The following FLI1 variants were observed in gnomAD, a reference collection of about 807,000 sequenced individuals.
FLI1 encodes the protein Fli-1 proto-oncogene, ETS transcription factor.
Under a neutral mutation model 53.1 loss-of-function variants are expected in FLI1, and 13 were observed. The observed-to-expected ratio is 0.24, with a 90% confidence interval of 0.16 to 0.39. The LOEUF (loss-of-function observed/expected upper bound fraction) is 0.39, where lower values mean the gene tolerates loss of function less well. Among genes scored for constraint, FLI1 ranks in the 10% least tolerant of loss-of-function variants. The pLI is 1.00. For synonymous variants in FLI1, 244 were observed against 236.7 expected, an observed-to-expected ratio of 1.03 and a Z score of -0.28; for missense variants, 424 against 600.5, an observed-to-expected ratio of 0.71 and a Z score of 3.07.
At chr11:128,726,636 T>C (rs1419636715) in intron 1 of FLI1, among the ~76,000 whole-genome samples, 2 of 147,820 alleles carry the variant, frequency 1.4e-5, no homozygotes, top group African/African-American at 5.0e-5. Flanking sequence ...GGCGGTGCCC[T>C]CTTTTGTATA....
intron 1 of FLI1, among the ~76,000 whole-genome samples, chr11:128,751,878 G>C (rs1334134171): frequency 1.3e-5 from 2 of 150,160 alleles, no homozygotes; most frequent in Non-Finnish European, 2.9e-5. Context: ...ACCTAGGCTG[G>C]TCTTGAATGC....
At chr11:128,799,056 T>G (rs1942544250) in intron 5 of FLI1, among the ~76,000 whole-genome samples, 1 of 148,608 alleles carries the variant, frequency 6.7e-6, no homozygotes, top group African/African-American at 2.5e-5. Context: ...ATTATTATTT[T>G]GCTTTGGAGA....
At chr11:128,782,650 T>G (rs747683217) in intron 5 of FLI1, among the ~76,000 whole-genome samples, 17 of 151,974 alleles carry the variant, frequency 1.1e-4, no homozygotes, top group South Asian at 2.1e-4. Context: ...ATGAGCCGAG[T>G]TCGCGCCACT....
intron 5 of FLI1, among the ~76,000 whole-genome samples, chr11:128,793,754 GGTGAC>G (rs1344231813): frequency 5.3e-5 from 8 of 152,194 alleles, no homozygotes; most frequent in Non-Finnish European, 8.8e-5. Context: ...CATTAATGAT[GGTGAC>G]AATGAATGCA....
At chr11:128,788,669 C>T (rs2135879908) in intron 5 of FLI1, among the ~76,000 whole-genome samples, 1 of 152,130 alleles carries the variant, frequency 6.6e-6, no homozygotes, top group Admixed American at 6.5e-5. Flanking sequence ...AGATCTGAGG[C>T]CAGAGAAGGT....
intron 1 of FLI1, among the ~76,000 whole-genome samples, chr11:128,710,711 T>A (rs1158075879): frequency 6.6e-6 from 1 of 152,204 alleles, no homozygotes; most frequent in Non-Finnish European, 1.5e-5. Context: ...GTATAAAGGG[T>A]TTGGACATAC....
At chr11:128,802,313 G>A (rs1209573818) in intron 5 of FLI1, among the ~76,000 whole-genome samples, 2 of 152,200 alleles carry the variant, frequency 1.3e-5, no homozygotes, top group Non-Finnish European at 2.9e-5. Context: ...CAGAGCCTAC[G>A]GAGTGCTTTT....
At position 128,688,714 on chromosome 11, in the gene FLI1, G is replaced by T. The variant is rs913281495; in HGVS notation, c.-203+2013G>T. 2.6e-5 allele frequency among the ~76,000 whole-genome samples: 4 copies of T among 152,144 alleles called. No individual in the cohort carries two copies. The East Asian group carries it at 7.7e-4, about 29-fold the overall frequency. On this transcript the variant is annotated intron_variant, in intron 1 of 6. Coordinates refer to the FLI1 transcript ENST00000344954. ...AGGAGGTAATTGCCCACATAAGAGC[G>T]CTTTAGGTAGGAAAGGGGCAGGGAA...
At chr11:128,793,507 C>T (rs1021999364) in intron 5 of FLI1, among the ~76,000 whole-genome samples, 6 of 152,176 alleles carry the variant, frequency 3.9e-5, no homozygotes, top group Non-Finnish European at 8.8e-5. Flanking sequence ...AGAGCCAGGG[C>T]TTCATCCCAA....
At chr11:128,757,187 T>C (rs981460850) in intron 1 of FLI1, among the ~76,000 whole-genome samples, 1 of 151,872 alleles carries the variant, frequency 6.6e-6, no homozygotes, top group Non-Finnish European at 1.5e-5. Context: ...ACTCAATAGA[T>C]TCTCCCACCT....
rs544471010 is a variant in FLI1 at position 128,773,596 on chromosome 11, A to G, written c.589+611A>G. ...TTTGGAAAGGGCGAGCTTAAGAAAG[A>G]AAGCAGGCAGTTGTCCAAGAGATTT... On this transcript the variant is annotated intron_variant, in intron 4 of 8. Coordinates refer to ENST00000527786, the MANE Select transcript of FLI1 (RefSeq NM_002017.5). 7.3e-5 allele frequency among the ~76,000 whole-genome samples: 11 copies of G among 150,080 alleles called. No individual in the cohort carries two copies. In the South Asian group the frequency reaches 2.4e-3, roughly 32 times the overall value.
chr11:128,806,360 C>T (rs1299727858), intron 6 of FLI1: 2 of 152,200 alleles, frequency 1.3e-5, no homozygotes, highest in South Asian at 2.1e-4. Context: ...CTTGAGTTAG[C>T]TCTGGAAGGA....
At chr11:128,790,266 TC>T (rs1942231376) in intron 5 of FLI1, among the ~76,000 whole-genome samples, 1 of 150,456 alleles carries the variant, frequency 6.6e-6, no homozygotes, top group African/African-American at 2.4e-5. Context: ...TTTTTTTTTT[TC>T]CACGAGAGAG....
intron 1 of FLI1, among the ~76,000 whole-genome samples, chr11:128,718,826 C>T (rs2135731695): frequency 6.6e-6 from 1 of 152,012 alleles, no homozygotes; most frequent in South Asian, 2.1e-4. Flanking sequence ...GGTGCAGACT[C>T]GGTGAGACCA....
At chr11:128,809,435 T>C (rs984404283) in intron 8 of FLI1, among the ~76,000 whole-genome samples, 1 of 152,230 alleles carries the variant, frequency 6.6e-6, no homozygotes, top group Non-Finnish European at 1.5e-5. Context: ...ACATCAGCAC[T>C]GCACATGTGC....
At chr11:128,725,658 CTCTCTG>C (rs1410927079) in intron 1 of FLI1, among the ~76,000 whole-genome samples, 184 of 151,318 alleles carry the variant, frequency 1.2e-3, no homozygotes, top group African/African-American at 2.8e-3. Flanking sequence ...CTCTCTCTCT[CTCTCTG>C]TGTGTGTGTG....
intron 1 of FLI1, among the ~76,000 whole-genome samples, chr11:128,755,306 A>C (rs1940817684): frequency 6.6e-6 from 1 of 152,208 alleles, no homozygotes; most frequent in Non-Finnish European, 1.5e-5. Flanking sequence ...ATTTTACTGG[A>C]AACTCCAAGG....
At chr11:128,748,934 A>C (rs1940527695) in intron 1 of FLI1, among the ~76,000 whole-genome samples, 1 of 152,266 alleles carries the variant, frequency 6.6e-6, no homozygotes, top group South Asian at 2.1e-4. Context: ...TCAAGTCATC[A>C]AATAATACAT....
At chr11:128,709,347 A>G (rs1034939277) in intron 1 of FLI1, among the ~76,000 whole-genome samples, 2 of 152,208 alleles carry the variant, frequency 1.3e-5, no homozygotes, top group African/African-American at 4.8e-5. Context: ...ACAGATAATA[A>G]ATGTAACTTA....
Sources: allele counts gnomAD v4.1 joint callset (sites outside exome capture counted in the v4.1 genomes callset), GRCh38; gene constraint gnomAD v4.1.1; transcripts MANE v1.5; gene names NCBI Gene and HGNC (gene_info 2026-07-23, HGNC 2026-07-21).